The following APOOL variants were observed in gnomAD, a reference collection of about 807,000 sequenced individuals.
APOOL encodes the protein apolipoprotein O like.
In APOOL, 12 loss-of-function variants were observed where a neutral mutation model predicts 23.1. That is an observed-to-expected ratio of 0.52 (90% CI 0.33 to 0.84). APOOL has a LOEUF of 0.84. APOOL is among the 40% of genes least tolerant of loss of function. The pLI is 0.02. For synonymous variants in APOOL, 77 were observed against 69.9 expected (o/e 1.10, Z -0.51); for missense variants, 212 against 199.6 (o/e 1.06, Z -0.37).
At chrX:85,032,345 T>C (rs1462419176) in intron 1 of APOOL, among the ~76,000 whole-genome samples, 1 of 110,559 alleles carries the variant, frequency 9.0e-6, no homozygotes, top group Non-Finnish European at 1.9e-5. Context: ...AGAAACCCGG[T>C]CTCTACTAAA....
intron 3 of APOOL, among the ~76,000 whole-genome samples, chrX:85,052,767 GA>G (rs1922827164): frequency 9.0e-6 from 1 of 111,370 alleles, no homozygotes; most frequent in Non-Finnish European, 1.9e-5. Flanking sequence ...ATTATGGTCT[GA>G]ATCATGCCCC....
At chrX:85,077,937 G>A (rs1170487726) in intron 8 of APOOL, among the ~76,000 whole-genome samples, 3 of 111,501 alleles carry the variant, frequency 2.7e-5, no homozygotes, top group Non-Finnish European at 5.7e-5. Context: ...TTTTGATGGG[G>A]TTGTTTTTTT....
intron 1 of APOOL, among the ~76,000 whole-genome samples, chrX:85,016,644 G>T (rs1404117524): frequency 1.8e-5 from 1 of 56,808 alleles, no homozygotes; most frequent in East Asian, 5.7e-4. Context: ...AGCCCCTGCT[G>T]TGTCTTCAGT....
intron 5 of APOOL, among the ~76,000 whole-genome samples, chrX:85,063,919 T>G (rs2147655817): frequency 9.0e-6 from 1 of 111,414 alleles, no homozygotes; most frequent in South Asian, 3.8e-4. Flanking sequence ...TCACTCCTTT[T>G]CAGTTGTTTG....
intron 1 of APOOL, among the ~76,000 whole-genome samples, chrX:85,023,662 A>G: frequency 8.9e-6 from 1 of 112,114 alleles, no homozygotes; most frequent in Admixed American, 9.5e-5. Flanking sequence ...ATCTATTCCA[A>G]CGCTATAATA....
chrX:85,042,693 C>T (rs1159912159), intron 1 of APOOL, among the ~76,000 whole-genome samples: 1 of 111,644 alleles, frequency 9.0e-6, no homozygotes, highest in African/African-American at 3.3e-5. Context: ...CAACAAAATA[C>T]CAGCAAATCA....
chrX:85,067,473 T>C (rs922669324), intron 6 of APOOL, among the ~76,000 whole-genome samples: 6 of 111,348 alleles, frequency 5.4e-5, no homozygotes, highest in African/African-American at 9.8e-5. Flanking sequence ...AATTAGAATT[T>C]ATGGGGAGAA....
intron 1 of APOOL, among the ~76,000 whole-genome samples, chrX:85,018,126 T>C (rs1387504276): frequency 1.8e-5 from 2 of 112,580 alleles, no homozygotes; most frequent in East Asian, 5.6e-4. Flanking sequence ...TTGAGGACTT[T>C]AGCATCTATG....
intron 6 of APOOL, among the ~76,000 whole-genome samples, chrX:85,069,659 G>A (rs1363304743): frequency 1.1e-5 from 1 of 95,016 alleles, no homozygotes; most frequent in Non-Finnish European, 2.1e-5. Flanking sequence ...TCTCTATTTT[G>A]AAGTAGGGCT....
intron 1 of APOOL, among the ~76,000 whole-genome samples, chrX:85,008,753 T>C (rs1921169211): frequency 8.9e-6 from 1 of 111,807 alleles, no homozygotes; most frequent in Non-Finnish European, 1.9e-5. Context: ...TCAGAGTCTT[T>C]TGTGATTCCA....
At chrX:85,022,010 A>G (rs1328994323) in intron 1 of APOOL, among the ~76,000 whole-genome samples, 1 of 112,087 alleles carries the variant, frequency 8.9e-6, no homozygotes, top group Admixed American at 9.5e-5. Context: ...ATAAATTGCT[A>G]GACACATACA....
chrX:85,074,343 C>A lies in APOOL; in HGVS notation c.670C>A (p.Pro224Thr). The A allele has an allele frequency of 8.3e-7, 1 of 1,210,944 alleles. No individual in the cohort carries two copies. The highest frequency in any genetic ancestry group is 1.1e-6 in the Non-Finnish European group (1 of 894,724). Residue 224 changes from proline (P) to threonine (T), a missense_variant, in exon 8 of 9, where the codon CCA becomes ACA. Transcript: ENST00000373173. ...THVLKHSVPL[P>T]TELSSEAKTK... The stretch of plus-strand genomic sequence containing the variant: ...CGTCTTGAAACACTCAGTGCCCTTG[C>A]CAACAGAACTCAGCTCTGAAGCAAA...
rs777496166 is a variant in APOOL at position 85,092,531 on chromosome X, G to A, written c.*4853G>A. On this transcript the variant is annotated 3_prime_UTR_variant, in exon 9 of 9. Transcript: ENST00000373173. The stretch of plus-strand genomic sequence containing the variant: ...TGGTTCCAAATGACGACAAGAAAGT[G>A]CATGCAGTTACATTGAGTTGTGATG... The A allele has an allele frequency of 8.3e-7, 1 of 1,207,891 alleles. No individual in the cohort carries two copies. The highest frequency in any genetic ancestry group is 1.1e-6 in the Non-Finnish European group (1 of 893,688).
At chrX:85,070,036 A>G (rs1256210957) in intron 6 of APOOL, among the ~76,000 whole-genome samples, 1 of 112,082 alleles carries the variant, frequency 8.9e-6, no homozygotes, top group Non-Finnish European at 1.9e-5. Flanking sequence ...ACTTGGGGAA[A>G]AAAGGAACTT....
intron 1 of APOOL, among the ~76,000 whole-genome samples, chrX:85,037,483 T>C (rs966366964): frequency 9.0e-6 from 1 of 111,609 alleles, no homozygotes; most frequent in African/African-American, 3.3e-5. Flanking sequence ...CATGTGGAAC[T>C]GTGAGTCCAT....
chrX:85,034,003 C>A (rs1457026606), intron 1 of APOOL, among the ~76,000 whole-genome samples: 1 of 111,504 alleles, frequency 9.0e-6, no homozygotes, highest in African/African-American at 3.3e-5. Flanking sequence ...ACCTCTAACA[C>A]TCAGCTCTTG....
chrX:85,024,350 A>G (rs183942373), intron 1 of APOOL, among the ~76,000 whole-genome samples: 153 of 112,068 alleles, frequency 1.4e-3, no homozygotes, highest in African/African-American at 4.6e-3. Context: ...ACTAGTGATG[A>G]CTAGTATTTG....
rs181950505 is a variant in APOOL, at chrX:85,054,376, G to A, written c.273G>A (p.Met91Ile). The A allele has an allele frequency of 5.3e-5, 63 of 1,186,723 alleles. No individual in the cohort carries two copies. The Admixed American group carries it at 1.5e-3, about 28-fold the overall frequency. ...GVYVFVKNGI[M>I]DTVQFGKDAY... is the part of the protein sequence containing the mutation. ...ATGTCTTTGTGAAAAATGGGATAAT[G>A]GATACAGTACAATTTGGAAAAGGTA... The change falls in exon 4 of 9, where the codon ATG (methionine) becomes ATA (isoleucine). Residue 91 changes from methionine (M) to isoleucine (I), a missense_variant. By Grantham distance (10) the Met-to-Ile change is conservative. Coordinates refer to ENST00000373173, the MANE Select transcript of APOOL (RefSeq NM_198450.6).
chrX:85,081,067 T>G (rs980515729), intron 8 of APOOL, among the ~76,000 whole-genome samples: 3 of 111,938 alleles, frequency 2.7e-5, no homozygotes, highest in African/African-American at 6.5e-5. Flanking sequence ...CTGTGTCTTT[T>G]AATTGGGGCA....
Sources: gnomAD v4.1 joint callset for allele counts (sites outside exome capture counted in the v4.1 genomes callset) on GRCh38, gnomAD v4.1.1 for gene constraint, MANE v1.5 for transcripts, NCBI Gene and HGNC (gene_info 2026-07-23, HGNC 2026-07-21) for gene names.